Variants in UVRAG observed in about 807,000 individuals in gnomAD.
UVRAG encodes UV radiation resistance-associated gene protein.
UVRAG carries 19 observed loss-of-function variants against 78.0 expected under a neutral mutation model. The observed-to-expected ratio is 0.24, with a 90% CI of 0.17 to 0.36. The LOEUF (loss-of-function observed/expected upper bound fraction) is 0.36, where lower values mean the gene tolerates loss of function less well. Ranked by LOEUF, UVRAG falls within the 10% of genes least tolerant of loss-of-function variation. UVRAG has a pLI of 1.00. For synonymous variants in UVRAG, 323 were observed against 324.6 expected, an observed-to-expected ratio of 1.00 and a Z score of 0.05; for missense variants, 740 against 853.8, an observed-to-expected ratio of 0.87 and a Z score of 1.66.
At chr11:75,901,490 A>G (rs1302411687) in intron 5 of UVRAG, among the ~76,000 whole-genome samples, 3 of 152,156 alleles carry the variant, frequency 2.0e-5, no homozygotes, top group Admixed American at 6.5e-5. Context: ...TATGCTCTCC[A>G]TAGCCCAAAC....
At chr11:76,104,685 CAT>C (rs1189269451) in intron 13 of UVRAG, among the ~76,000 whole-genome samples, 1 of 152,216 alleles carries the variant, frequency 6.6e-6, no homozygotes, top group Non-Finnish European at 1.5e-5. Flanking sequence ...CACCACCACA[CAT>C]ATACATGCAC....
At chr11:75,870,136 G>A (rs1196232030) in intron 3 of UVRAG, among the ~76,000 whole-genome samples, 1 of 152,158 alleles carries the variant, frequency 6.6e-6, no homozygotes, top group East Asian at 1.9e-4. Context: ...ATCTTTGAAT[G>A]TGTGGCAGGC....
chr11:75,878,721 C>T (rs1219676012), intron 3 of UVRAG, among the ~76,000 whole-genome samples: 2 of 152,144 alleles, frequency 1.3e-5, no homozygotes, highest in Non-Finnish European at 2.9e-5. Context: ...ACCAGTCAGG[C>T]GTGGCGGCGC....
intron 2 of UVRAG, among the ~76,000 whole-genome samples, chr11:75,852,654 G>T (rs1210868541): frequency 2.6e-5 from 4 of 152,146 alleles, no homozygotes. Context: ...ACTAGTTCTA[G>T]CCCAGCTACT....
chr11:75,920,011 T>TC (rs1565380055), intron 6 of UVRAG, among the ~76,000 whole-genome samples: 1 of 40,214 alleles, frequency 2.5e-5, no homozygotes, highest in African/African-American at 1.3e-4. Context: ...AATTTTGGTT[T>TC]TTTTTTTTTT....
intron 14 of UVRAG, among the ~76,000 whole-genome samples, chr11:76,124,224 A>G (rs773076748): frequency 3.0e-4 from 46 of 152,244 alleles, no homozygotes; most frequent in Admixed American, 7.9e-4. Flanking sequence ...GATTATTATT[A>G]AGTATTAAAG....
intron 7 of UVRAG, among the ~76,000 whole-genome samples, chr11:75,982,163 C>T (rs1287162314): frequency 6.6e-6 from 1 of 152,118 alleles, no homozygotes; most frequent in South Asian, 2.1e-4. Context: ...TTATTTAAGC[C>T]CTCTGTTTTA....
chr11:75,952,360 G>C (rs1168181614), intron 6 of UVRAG, among the ~76,000 whole-genome samples: 1 of 151,960 alleles, frequency 6.6e-6, no homozygotes, highest in Non-Finnish European at 1.5e-5. Flanking sequence ...GTTTTTGATT[G>C]TAAGTATAGG....
chr11:76,126,036 G>A (rs942713733), intron 14 of UVRAG, among the ~76,000 whole-genome samples: 8 of 147,156 alleles, frequency 5.4e-5, no homozygotes, highest in Non-Finnish European at 8.9e-5. Flanking sequence ...TGCAAGCTCC[G>A]CCTCCCGGGT....
At chr11:76,026,414 A>G (rs1176029190) in intron 12 of UVRAG, among the ~76,000 whole-genome samples, 1 of 152,128 alleles carries the variant, frequency 6.6e-6, no homozygotes, top group Non-Finnish European at 1.5e-5. Flanking sequence ...ATTTTAGTGC[A>G]GAGAGTTCAG....
At chr11:76,062,143 C>T (rs1951105920) in intron 12 of UVRAG, among the ~76,000 whole-genome samples, 1 of 152,210 alleles carries the variant, frequency 6.6e-6, no homozygotes, top group South Asian at 2.1e-4. Flanking sequence ...CATCTGCACA[C>T]AACCTCTTTT....
intron 13 of UVRAG, among the ~76,000 whole-genome samples, chr11:76,083,669 A>C (rs1039412689): frequency 2.6e-5 from 4 of 152,226 alleles, no homozygotes; most frequent in Non-Finnish European, 2.9e-5. Context: ...GGGAAGAGGA[A>C]ATTACTTTGT....
chr11:75,856,268 G>A (rs549611822), intron 2 of UVRAG, among the ~76,000 whole-genome samples: 112 of 152,278 alleles, frequency 7.4e-4, no homozygotes, highest in Non-Finnish European at 1.2e-3. Context: ...CTCCAAAAGT[G>A]CTGAGATTAC....
intron 12 of UVRAG, among the ~76,000 whole-genome samples, chr11:76,032,145 T>G (rs1249429700): frequency 6.6e-6 from 1 of 152,196 alleles, no homozygotes. Flanking sequence ...AAATTATTTT[T>G]AGGTAGATGT....
chr11:76,051,116 T>C (rs73001571), intron 12 of UVRAG, among the ~76,000 whole-genome samples: 2,236 of 152,350 alleles, frequency 0.015, 30 homozygotes, highest in Non-Finnish European at 0.019. Flanking sequence ...CAATATTATA[T>C]GCACACATTG....
At chr11:76,065,320 C>T (rs1951165852) in intron 12 of UVRAG, among the ~76,000 whole-genome samples, 1 of 152,178 alleles carries the variant, frequency 6.6e-6, no homozygotes, top group Non-Finnish European at 1.5e-5. Context: ...CCTTCTTAAT[C>T]TTCCTCTCCC....
At chr11:75,982,648 A>T (rs746560065) in intron 7 of UVRAG, among the ~76,000 whole-genome samples, 2 of 152,112 alleles carry the variant, frequency 1.3e-5, no homozygotes, top group Non-Finnish European at 2.9e-5. Flanking sequence ...CTTCTTTGAA[A>T]CGGGCAGGGG....
chr11:75,925,079 A>G (rs1278100473), intron 6 of UVRAG, among the ~76,000 whole-genome samples: 1 of 152,218 alleles, frequency 6.6e-6, no homozygotes. Context: ...TTGAATTCAC[A>G]GAGTTACTGG....
At chr11:76,007,873 T>G (rs909620868) in intron 10 of UVRAG, among the ~76,000 whole-genome samples, 3 of 152,148 alleles carry the variant, frequency 2.0e-5, no homozygotes, top group African/African-American at 7.2e-5. Context: ...TTTGGTTTCT[T>G]TAGGATCTTT....
Sources: gnomAD v4.1 joint callset for allele counts (sites outside exome capture counted in the v4.1 genomes callset) on GRCh38, gnomAD v4.1.1 for gene constraint, MANE v1.5 for transcripts, NCBI Gene and HGNC (gene_info 2026-07-23, HGNC 2026-07-21) for gene names.